The following GPHN variants were observed in gnomAD, a reference collection of about 807,000 sequenced individuals.
The protein encoded by GPHN is gephyrin.
Under a neutral mutation model 95.5 loss-of-function variants are expected in GPHN, and 17 were observed. The observed-to-expected ratio is 0.18, with a 90% CI of 0.12 to 0.27. The LOEUF (loss-of-function observed/expected upper bound fraction) is 0.27. Ranked by LOEUF, GPHN falls within the 10% of genes least tolerant of loss-of-function variation. The pLI is 1.00. For missense variants in GPHN, 660 were observed against 978.1 expected (o/e 0.67, Z 4.34); for synonymous variants, 320 against 322.5 (o/e 0.99, Z 0.08).
chr14:67,515,287 TCCCCCACGCCGCCTGGCA>T, the GPHN span: 6 of 152,798 alleles, frequency 3.9e-5, no homozygotes, highest in African/African-American at 1.5e-4. Context: ...GGGCCGTGCC[TCCCCCACGCCGCCTGGCA>T]CTCCCGCGCC....
At chr14:67,045,535 C>T (rs1594922249) in intron 10 of GPHN, among the ~76,000 whole-genome samples, 1 of 151,462 alleles carries the variant, frequency 6.6e-6, no homozygotes, top group African/African-American at 2.4e-5. Context: ...GTGTATTTGT[C>T]TCTCTGTGTG....
At chr14:66,672,063 T>C (rs1024752344) in intron 1 of GPHN, among the ~76,000 whole-genome samples, 1 of 152,110 alleles carries the variant, frequency 6.6e-6, no homozygotes, top group African/African-American at 2.4e-5. Flanking sequence ...TTTCTTCTTT[T>C]CTAATATATG....
In GPHN at chr14:66,571,361, G is replaced by A. The variant is rs550328418; in HGVS notation, c.64+62770G>A. Reference sequence around the variant, plus strand: ...ATTGACACATGGGGAATTACAATTCGAAATGAGATTTGGGTGGGGACACAG... The same window carrying A: ...ATTGACACATGGGGAATTACAATTCAAAATGAGATTTGGGTGGGGACACAG... On this transcript the variant is annotated intron_variant, in intron 1 of 22. Coordinates refer to ENST00000478722, the MANE Select transcript of GPHN (RefSeq NM_020806.5). Among the ~76,000 whole-genome samples the A allele has an allele frequency of 5.3e-5, 8 of 152,218 alleles. No individual in the cohort carries two copies. In the South Asian group the frequency reaches 1.5e-3, roughly 28 times the overall value.
chr14:67,368,414 A>C, the GPHN span, among the ~76,000 whole-genome samples: 1 of 152,182 alleles, frequency 6.6e-6, no homozygotes, highest in Non-Finnish European at 1.5e-5. Flanking sequence ...CACCTGACGG[A>C]GGGGCAGTCT....
chr14:67,388,570 G>T, the GPHN span, among the ~76,000 whole-genome samples: 1 of 152,190 alleles, frequency 6.6e-6, no homozygotes, highest in Non-Finnish European at 1.5e-5. Flanking sequence ...CATTCCTGGA[G>T]ATGTCTCAAA....
intron 1 of GPHN, among the ~76,000 whole-genome samples, chr14:66,571,805 C>T (rs550434255): frequency 6.0e-4 from 91 of 152,184 alleles, no homozygotes; most frequent in Middle Eastern, 6.8e-3. Context: ...AGCAAGACTC[C>T]GTCTCAAAAA....
intron 1 of GPHN, among the ~76,000 whole-genome samples, chr14:66,642,573 T>G (rs1409995346): frequency 6.6e-6 from 1 of 151,534 alleles, no homozygotes; most frequent in Non-Finnish European, 1.5e-5. Context: ...TTTTTTTTTT[T>G]GAAACTGGGA....
chr14:66,873,817 C>T (rs770683373), intron 4 of GPHN, among the ~76,000 whole-genome samples: 4 of 152,210 alleles, frequency 2.6e-5, no homozygotes, highest in African/African-American at 9.6e-5. Flanking sequence ...TGGGAAGGGG[C>T]GGATGTGGGC....
At chr14:66,557,488 T>C (rs1352744882) in intron 1 of GPHN, among the ~76,000 whole-genome samples, 1 of 152,226 alleles carries the variant, frequency 6.6e-6, no homozygotes, top group African/African-American at 2.4e-5. Flanking sequence ...ATCATATCTT[T>C]AAGAATTTGT....
the GPHN span, among the ~76,000 whole-genome samples, chr14:67,280,757 C>T: frequency 6.6e-6 from 1 of 150,760 alleles, no homozygotes; most frequent in Non-Finnish European, 1.5e-5. Context: ...CAGATTTGTT[C>T]CTCATTAAGT....
intron 9 of GPHN, among the ~76,000 whole-genome samples, chr14:66,989,005 T>G (rs965415225): frequency 1.3e-5 from 2 of 152,036 alleles, no homozygotes; most frequent in Non-Finnish European, 2.9e-5. Context: ...CTCAGCTTGT[T>G]TTTAATTGTA....
chr14:67,262,709 A>C, the GPHN span, among the ~76,000 whole-genome samples: 162 of 152,276 alleles, frequency 1.1e-3, no homozygotes, highest in African/African-American at 3.7e-3. Context: ...TTAGTCTCCC[A>C]TTATTTGCAG....
At chr14:67,422,256 T>C in the GPHN span, among the ~76,000 whole-genome samples, 2 of 152,116 alleles carry the variant, frequency 1.3e-5, no homozygotes, top group African/African-American at 4.8e-5. Flanking sequence ...AGTCCAAAAC[T>C]GTTCACCTTG....
the GPHN span, among the ~76,000 whole-genome samples, chr14:67,635,784 G>A: frequency 6.6e-6 from 1 of 152,078 alleles, no homozygotes; most frequent in South Asian, 2.1e-4. Flanking sequence ...TCCGGTGGGT[G>A]GAGGTTGCAG....
At chr14:67,667,802 G>A in the GPHN span, among the ~76,000 whole-genome samples, 2 of 152,072 alleles carry the variant, frequency 1.3e-5, no homozygotes, top group Non-Finnish European at 1.5e-5. Context: ...AACTTAGCCC[G>A]GCGTGGTGGT....
At chr14:67,102,431 C>T (rs569034199) in intron 13 of GPHN, among the ~76,000 whole-genome samples, 18 of 151,970 alleles carry the variant, frequency 1.2e-4, no homozygotes, top group East Asian at 7.9e-4. Context: ...GAGGCCGCGG[C>T]GGGCAGATAA....
At chr14:66,684,237 TAGAA>T (rs2067188781) in intron 2 of GPHN, among the ~76,000 whole-genome samples, 1 of 152,122 alleles carries the variant, frequency 6.6e-6, no homozygotes, top group Non-Finnish European at 1.5e-5. Flanking sequence ...TCAATACTGT[TAGAA>T]AGGAAGACAG....
At chr14:66,635,390 A>C (rs1035274818) in intron 1 of GPHN, among the ~76,000 whole-genome samples, 7 of 152,192 alleles carry the variant, frequency 4.6e-5, no homozygotes, top group Non-Finnish European at 7.3e-5. Context: ...ATTTCCTGTG[A>C]AATTTTGAAA....
At chr14:67,284,490 A>T in the GPHN span, among the ~76,000 whole-genome samples, 1 of 128,238 alleles carries the variant, frequency 7.8e-6, no homozygotes, top group Admixed American at 9.1e-5. Flanking sequence ...CATACTAGGG[A>T]GGCTGAGGCA....
Sources: allele counts gnomAD v4.1 joint callset (sites outside exome capture counted in the v4.1 genomes callset), GRCh38; gene constraint gnomAD v4.1.1; transcripts MANE v1.5; gene names NCBI Gene and HGNC (gene_info 2026-07-23, HGNC 2026-07-21).